NKAIN3: variants seen among roughly 807,000 people sequenced by gnomAD.
NKAIN3 encodes the protein sodium/potassium-transporting ATPase subunit beta-1-interacting protein 3.
Under a neutral mutation model 30.2 loss-of-function variants are expected in NKAIN3, and 25 were observed. That is an observed-to-expected ratio of 0.83 (90% CI 0.60 to 1.16). The LOEUF is 1.16. Among genes scored for constraint, NKAIN3 ranks in the 50% most tolerant of loss-of-function variants. The probability of loss-of-function intolerance (pLI) is 0.00; values close to 1 mark genes in which losing one functional copy is unlikely to be tolerated. For missense variants in NKAIN3, 225 were observed against 254.1 expected (o/e 0.89, Z 0.78); for synonymous variants, 91 against 89.6 (o/e 1.02, Z -0.09).
At chr8:62,497,102 T>C (rs1390137053) in intron 1 of NKAIN3, among the ~76,000 whole-genome samples, 1 of 152,126 alleles carries the variant, frequency 6.6e-6, no homozygotes, top group East Asian at 1.9e-4. Context: ...GTTGATAATC[T>C]GGAAAAGACG....
At chr8:62,607,621 T>C (rs1041810572) in intron 3 of NKAIN3, among the ~76,000 whole-genome samples, 4 of 152,174 alleles carry the variant, frequency 2.6e-5, no homozygotes, top group Admixed American at 2.0e-4. Flanking sequence ...GGAAATCCAC[T>C]TTTTATTAGT....
At chr8:62,863,849 T>A (rs771404891) in intron 4 of NKAIN3, 2 of 1,599,482 alleles carry the variant, frequency 1.3e-6, no homozygotes, top group Middle Eastern at 2.2e-4. Context: ...TTTCACTGGA[T>A]GATAGCCACC....
chr8:62,893,833 C>T (rs895466645), intron 4 of NKAIN3, among the ~76,000 whole-genome samples: 3 of 152,152 alleles, frequency 2.0e-5, no homozygotes, highest in African/African-American at 7.2e-5. Context: ...GAATGTTTTC[C>T]TGGCTAGAGG....
intron 5 of NKAIN3, among the ~76,000 whole-genome samples, chr8:62,944,922 T>G (rs1823078658): frequency 6.6e-6 from 1 of 152,194 alleles, no homozygotes; most frequent in South Asian, 2.1e-4. Flanking sequence ...GTGCTAGTAT[T>G]TATTTATAGA....
intron 1 of NKAIN3, among the ~76,000 whole-genome samples, chr8:62,346,337 T>A (rs935456820): frequency 8.5e-5 from 13 of 152,060 alleles, no homozygotes; most frequent in Admixed American, 7.2e-4. Context: ...AACCTATAAA[T>A]ATGTACACTT....
chr8:62,821,770 C>T (rs769012752), intron 4 of NKAIN3, among the ~76,000 whole-genome samples: 16 of 151,912 alleles, frequency 1.1e-4, no homozygotes, highest in South Asian at 2.1e-4. Flanking sequence ...TTGGAGGACA[C>T]GACAGGTGGG....
intron 4 of NKAIN3, among the ~76,000 whole-genome samples, chr8:62,846,233 C>T (rs988490607): frequency 1.3e-5 from 2 of 152,146 alleles, no homozygotes; most frequent in East Asian, 1.9e-4. Context: ...AGAGCTTTGA[C>T]AGAAGAATTT....
At chr8:62,942,203 CATATATAT>C (rs1166773217) in intron 5 of NKAIN3, among the ~76,000 whole-genome samples, 1 of 35,002 alleles carries the variant, frequency 2.9e-5, no homozygotes, top group African/African-American at 1.7e-4. Flanking sequence ...TATATACACA[CATATATAT>C]ACACATATAT....
intron 3 of NKAIN3, among the ~76,000 whole-genome samples, chr8:62,655,139 T>C (rs1812728998): frequency 6.6e-6 from 1 of 152,108 alleles, no homozygotes; most frequent in South Asian, 2.1e-4. Context: ...CATCCAGCTG[T>C]TTGCAGACTC....
At chr8:62,686,644 G>A (rs968516756) in intron 3 of NKAIN3, among the ~76,000 whole-genome samples, 1 of 152,030 alleles carries the variant, frequency 6.6e-6, no homozygotes, top group Non-Finnish European at 1.5e-5. Flanking sequence ...CTCAAAATAA[G>A]CAAGTTAATC....
At position 62,852,998 on chromosome 8, in the gene NKAIN3, C is replaced by T. The variant is rs183818527; in HGVS notation, c.472-65455C>T. Among the ~76,000 whole-genome samples the T allele has an allele frequency of 2.7e-3, 415 of 152,236 alleles. 2 individuals are homozygous for T. Among genetic ancestry groups the T allele is most frequent in the African/African-American group, 8.8e-3 (366 of 41,544 alleles). ...CTTGGTGCAGAGCTGAGTTCAATTC[C>T]TGAATATCCTTGTTAACATTCTGTC... On this transcript the variant is annotated intron_variant, in intron 4 of 6. Coordinates refer to ENST00000623646, the MANE Select transcript of NKAIN3 (RefSeq NM_001304533.3).
At chr8:62,881,199 G>A (rs1344597105) in intron 4 of NKAIN3, among the ~76,000 whole-genome samples, 2 of 151,982 alleles carry the variant, frequency 1.3e-5, no homozygotes, top group African/African-American at 4.8e-5. Flanking sequence ...CTATGGATTT[G>A]GACTAATGTA....
chr8:62,275,813 A>C (rs1371940389), intron 1 of NKAIN3, among the ~76,000 whole-genome samples: 1 of 152,180 alleles, frequency 6.6e-6, no homozygotes, highest in African/African-American at 2.4e-5. Flanking sequence ...AAATGGAGAT[A>C]ATATATTGAA....
At chr8:62,595,317 G>A (rs1810789415) in intron 3 of NKAIN3, among the ~76,000 whole-genome samples, 1 of 149,492 alleles carries the variant, frequency 6.7e-6, no homozygotes, top group Non-Finnish European at 1.5e-5. Flanking sequence ...TAAAATATGA[G>A]TATCTAGAGT....
chr8:62,417,378 T>C (rs561953801), intron 1 of NKAIN3, among the ~76,000 whole-genome samples: 1 of 152,338 alleles, frequency 6.6e-6, no homozygotes, highest in Admixed American at 6.5e-5. Flanking sequence ...CACCTGTTGA[T>C]GGACACAAGT....
intron 1 of NKAIN3, among the ~76,000 whole-genome samples, chr8:62,345,864 A>G (rs1224269757): frequency 6.6e-6 from 1 of 151,990 alleles, no homozygotes; most frequent in African/African-American, 2.4e-5. Flanking sequence ...TCCTGCATAC[A>G]TACACAATGG....
intron 1 of NKAIN3, among the ~76,000 whole-genome samples, chr8:62,305,358 C>T (rs1435156439): frequency 6.7e-6 from 1 of 150,236 alleles, no homozygotes; most frequent in African/African-American, 2.5e-5. Flanking sequence ...TTAGGGAATT[C>T]CATAACGCAT....
chr8:62,334,535 C>T (rs1029991177), intron 1 of NKAIN3, among the ~76,000 whole-genome samples: 2 of 152,090 alleles, frequency 1.3e-5, no homozygotes, highest in South Asian at 4.1e-4. Flanking sequence ...TCCAATTCAA[C>T]AAAGACCATA....
chr8:62,863,117 T>C (rs1227515815), intron 4 of NKAIN3: 20 of 1,396,828 alleles, frequency 1.4e-5, no homozygotes, highest in Non-Finnish European at 1.9e-5. Flanking sequence ...TCCTGCTCAT[T>C]GGAAGGTGCA....
Sources: allele counts gnomAD v4.1 joint callset (sites outside exome capture counted in the v4.1 genomes callset), GRCh38; gene constraint gnomAD v4.1.1; transcripts MANE v1.5; gene names NCBI Gene and HGNC (gene_info 2026-07-23, HGNC 2026-07-21).